ABCA12: variants seen among roughly 807,000 people sequenced by gnomAD.
The protein encoded by ABCA12 is ATP binding cassette subfamily A member 12.
In ABCA12, 156 loss-of-function variants were observed where a neutral mutation model predicts 293.5. The ratio of observed to expected loss-of-function variants is 0.53; its 90% CI spans 0.47 to 0.61. ABCA12 has a LOEUF of 0.61. Ranked by LOEUF, ABCA12 falls within the 20% of genes least tolerant of loss-of-function variation. The pLI, the probability that ABCA12 is intolerant of heterozygous loss-of-function variation, is 0.00. For missense variants in ABCA12, 2,797 were observed against 3,090.2 expected (o/e 0.91, Z 2.25); for synonymous variants, 1,063 against 1,108.0 (o/e 0.96, Z 0.81).
In ABCA12 at chr2:215,019,346, A is replaced by G. The variant is rs1185264544; in HGVS notation, c.1647T>C (p.Ser549=). The change falls in exon 13 of 53, where the codon TCT becomes TCC. Residue 549 remains serine, a synonymous_variant. Transcript: ENST00000272895. Reference sequence around the variant, plus strand: ...TGGATGGGGAAACACCTGGCTTTTCAGAAGCATCTGCACTGTTATTGACAT... The same window carrying G: ...TGGATGGGGAAACACCTGGCTTTTCGGAAGCATCTGCACTGTTATTGACAT... ...MLHVNNSADA[S]EKPGQLLEMF... 1.2e-6 allele frequency: 2 copies of G among 1,611,152 alleles called. No individual in the cohort carries two copies. The highest frequency in any genetic ancestry group is 4.5e-5 in the East Asian group (2 of 44,862).
chr2:214,997,728 C>G lies in ABCA12; in HGVS notation c.3261G>C (p.Lys1087Asn), dbSNP rs993737032. The part of the protein sequence containing the change: ...WVVFIAAFVK[K>N]LVYEKDLRLH... Reference sequence around the variant, plus strand: ...GCCGGAGGTCTTTCTCATAGACAAGCTTTTTTACAAAGGCAGCTATAAATA... The same window carrying G: ...GCCGGAGGTCTTTCTCATAGACAAGGTTTTTTACAAAGGCAGCTATAAATA... Residue 1087 changes from lysine to asparagine, a missense_variant, in exon 23 of 53, where the codon AAG becomes AAC. This residue lies in a region of ABCA12 where 2,130 missense variants were observed against 2,427.0 expected (regional missense o/e 0.88). Transcript: ENST00000272895. The G allele has an allele frequency of 6.2e-7, 1 of 1,613,258 alleles. No individual in the cohort carries two copies. Among genetic ancestry groups the G allele is most frequent in the Non-Finnish European group, 8.5e-7 (1 of 1,179,444 alleles).
At chr2:215,076,536 A>C (rs1253914598) in intron 2 of ABCA12, among the ~76,000 whole-genome samples, 3 of 152,174 alleles carry the variant, frequency 2.0e-5, no homozygotes, top group Non-Finnish European at 4.4e-5. Flanking sequence ...GATATGGAGG[A>C]ATGGGAACTC....
intron 48 of ABCA12, among the ~76,000 whole-genome samples, chr2:214,946,200 A>C (rs1369517137): frequency 6.6e-6 from 1 of 152,162 alleles, no homozygotes; most frequent in Non-Finnish European, 1.5e-5. Context: ...AATATGTATA[A>C]TTATTATGTG....
chr2:215,126,696 T>C (rs962333246), intron 1 of ABCA12, among the ~76,000 whole-genome samples: 9 of 152,182 alleles, frequency 5.9e-5, no homozygotes, highest in African/African-American at 1.7e-4. Flanking sequence ...TCTCTTCTTT[T>C]CTTGGTTAAT....
intron 22 of ABCA12, among the ~76,000 whole-genome samples, chr2:214,999,336 G>A (rs1700095674): frequency 6.6e-6 from 1 of 152,142 alleles, no homozygotes; most frequent in African/African-American, 2.4e-5. Flanking sequence ...AGAAATGTTG[G>A]TCTTATAAAC....
chr2:215,112,993 C>A (rs774776669), intron 1 of ABCA12, among the ~76,000 whole-genome samples: 19 of 152,158 alleles, frequency 1.2e-4, no homozygotes, highest in Non-Finnish European at 2.8e-4. Context: ...TAAAACCAAA[C>A]CACAGGGACA....
intron 1 of ABCA12, among the ~76,000 whole-genome samples, chr2:215,126,658 G>A (rs111362433): frequency 0.048 from 7,259 of 151,974 alleles, 569 homozygotes; most frequent in African/African-American, 0.17. Flanking sequence ...CTCTTGTTTT[G>A]TTTCTTAGTG....
chr2:215,075,945 C>T (rs994138561), intron 2 of ABCA12, among the ~76,000 whole-genome samples: 4 of 152,188 alleles, frequency 2.6e-5, no homozygotes, highest in Non-Finnish European at 4.4e-5. Flanking sequence ...TCTATTCACT[C>T]GGGATGCTCG....
At chr2:215,057,379 A>G (rs1701440092) in intron 3 of ABCA12, among the ~76,000 whole-genome samples, 1 of 152,040 alleles carries the variant, frequency 6.6e-6, no homozygotes, top group African/African-American at 2.4e-5. Flanking sequence ...TGTTGCAAAG[A>G]TGCAACCTTC....
At chr2:215,008,363 A>T (rs2105997974) in intron 18 of ABCA12, among the ~76,000 whole-genome samples, 1 of 152,210 alleles carries the variant, frequency 6.6e-6, no homozygotes, top group East Asian at 1.9e-4. Context: ...ACACAAGAAT[A>T]TTTATTGCTA....
chr2:214,973,879 G>A (rs1474049680), intron 36 of ABCA12, 70 bp downstream of exon 36: 2 of 1,299,184 alleles, frequency 1.5e-6, no homozygotes, highest in Non-Finnish European at 2.2e-6. Flanking sequence ...GTAACCTAGA[G>A]AGATCTTTCG....
intron 2 of ABCA12, among the ~76,000 whole-genome samples, chr2:215,095,522 T>G (rs1333586771): frequency 6.6e-6 from 1 of 152,106 alleles, no homozygotes; most frequent in East Asian, 1.9e-4. Context: ...CCATTCTAGG[T>G]TCCCACACCT....
At chr2:215,087,078 G>T (rs1358651458) in intron 2 of ABCA12, among the ~76,000 whole-genome samples, 1 of 152,058 alleles carries the variant, frequency 6.6e-6, no homozygotes, top group Admixed American at 6.6e-5. Flanking sequence ...AAGTAGCTGG[G>T]ATTACAGGCA....
At chr2:215,129,996 T>C (rs565899441) in intron 1 of ABCA12, among the ~76,000 whole-genome samples, 1 of 152,294 alleles carries the variant, frequency 6.6e-6, no homozygotes, top group Admixed American at 6.5e-5. Flanking sequence ...CCTTTCTGCA[T>C]TGTTATTTTT....
intron 47 of ABCA12, 160 bp from the exon 48 acceptor site, chr2:214,947,716 C>CAAAG: frequency 3.6e-6 from 3 of 825,364 alleles, no homozygotes; most frequent in Non-Finnish European, 3.8e-6. Context: ...ATTTTATTTT[C>CAAAG]AAAGAATCAC....
chr2:215,103,976 G>A (rs1702411465), intron 2 of ABCA12, among the ~76,000 whole-genome samples: 1 of 150,822 alleles, frequency 6.6e-6, no homozygotes, highest in Non-Finnish European at 1.5e-5. Flanking sequence ...AACAGGGACA[G>A]ATTCCATTTA....
In ABCA12 at chr2:215,085,772, G is replaced by A. The variant is rs183100202; in HGVS notation, c.164-21553C>T. The stretch of plus-strand genomic sequence containing the variant: ...ACTGCAGTAGAATTATTGGGGCAGG[G>A]TGGGGAATGAAGAAGGGAGGAAGAA... On this transcript the variant is annotated intron_variant, in intron 2 of 52. Coordinates refer to ENST00000272895, the MANE Select transcript of ABCA12 (RefSeq NM_173076.3). 4.9e-4 allele frequency among the ~76,000 whole-genome samples: 74 copies of A among 152,230 alleles called. No homozygotes were observed. The East Asian group carries it at 0.012, about 25-fold the overall frequency.
At chr2:215,103,540 G>C (rs990604603) in intron 2 of ABCA12, among the ~76,000 whole-genome samples, 20 of 151,798 alleles carry the variant, frequency 1.3e-4, no homozygotes, top group African/African-American at 4.8e-4. Context: ...ACAAGTGCTG[G>C]GATTATAGGC....
chr2:214,973,464 AGAGT>A (rs1224987485), intron 36 of ABCA12, among the ~76,000 whole-genome samples: 6 of 152,206 alleles, frequency 3.9e-5, no homozygotes, highest in African/African-American at 7.2e-5. Context: ...GAATACAGAC[AGAGT>A]AAGTGATGAA....
Sources: gnomAD v4.1 joint callset for allele counts (sites outside exome capture counted in the v4.1 genomes callset) on GRCh38, gnomAD v4.1.1 for gene constraint, gnomAD v4.1.1 regional missense constraint, MANE v1.5 for transcripts, NCBI Gene and HGNC (gene_info 2026-07-23, HGNC 2026-07-21) for gene names.